The following JMJD1C variants were observed in gnomAD, a reference collection of about 807,000 sequenced individuals.
JMJD1C encodes the protein jumonji domain containing 1C.
A neutral mutation model predicts 245.3 loss-of-function variants in JMJD1C; 31 were observed. That is an observed-to-expected ratio of 0.13 (90% CI 0.09 to 0.17). JMJD1C has a LOEUF of 0.17. Among genes scored for constraint, JMJD1C ranks in the 10% least tolerant of loss-of-function variants. The pLI is 1.00. For synonymous variants in JMJD1C, 1,057 were observed against 1,017.4 expected, an observed-to-expected ratio of 1.04 and a Z score of -0.74; for missense variants, 2,691 against 3,000.2, an observed-to-expected ratio of 0.90 and a Z score of 2.41.
intron 2 of JMJD1C, among the ~76,000 whole-genome samples, chr10:63,373,591 A>G (rs1328885908): frequency 6.6e-6 from 1 of 152,198 alleles, no homozygotes; most frequent in Non-Finnish European, 1.5e-5. Context: ...GAAAGAAGAT[A>G]ATAAATACAA....
intron 1 of JMJD1C, among the ~76,000 whole-genome samples, chr10:63,413,985 CTT>C (rs397846162): frequency 1.4e-4 from 19 of 131,976 alleles, no homozygotes; most frequent in Admixed American, 3.0e-4. Flanking sequence ...GCTATCAATA[CTT>C]TTTTTTTTTT....
chr10:63,237,599 C>T (rs1850898920), intron 3 of JMJD1C, among the ~76,000 whole-genome samples: 1 of 152,168 alleles, frequency 6.6e-6, no homozygotes, highest in Admixed American at 6.5e-5. Flanking sequence ...TTGAGTCCAT[C>T]CACTTCCTTC....
At chr10:63,354,301 T>C (rs886396519) in intron 2 of JMJD1C, among the ~76,000 whole-genome samples, 4 of 152,258 alleles carry the variant, frequency 2.6e-5, no homozygotes, top group African/African-American at 9.6e-5. Context: ...CACTAGTTTT[T>C]AATCTAATGA....
intron 1 of JMJD1C, among the ~76,000 whole-genome samples, chr10:63,498,707 T>C (rs1462272078): frequency 2.6e-5 from 4 of 152,226 alleles, no homozygotes; most frequent in African/African-American, 9.6e-5. Context: ...ACTCCTATTT[T>C]TTTTTTATTG....
At chr10:63,512,196 C>CAA (rs1265466390) in intron 1 of JMJD1C, among the ~76,000 whole-genome samples, 1 of 152,142 alleles carries the variant, frequency 6.6e-6, no homozygotes, top group Non-Finnish European at 1.5e-5. Context: ...ATTATTTTAA[C>CAA]AAACTGTTAT....
intron 1 of JMJD1C, among the ~76,000 whole-genome samples, chr10:63,520,195 T>C (rs1368485600): frequency 6.6e-6 from 1 of 152,216 alleles, no homozygotes; most frequent in Non-Finnish European, 1.5e-5. Context: ...TTGTCTTCCA[T>C]GCAAGTCAGA....
intron 1 of JMJD1C, among the ~76,000 whole-genome samples, chr10:63,402,383 TTTGTG>T (rs1411672616): frequency 6.6e-6 from 1 of 152,162 alleles, no homozygotes; most frequent in Non-Finnish European, 1.5e-5. Flanking sequence ...TTGTTAGTCC[TTTGTG>T]TTGAGTGAAT....
intron 1 of JMJD1C, among the ~76,000 whole-genome samples, chr10:63,480,990 A>C (rs1010517509): frequency 6.6e-6 from 1 of 152,360 alleles, no homozygotes; most frequent in South Asian, 2.1e-4. Context: ...TTATAGACTC[A>C]TCAGAACTAA....
intron 3 of JMJD1C, among the ~76,000 whole-genome samples, chr10:63,223,835 C>A (rs984084165): frequency 5.3e-5 from 8 of 151,940 alleles, no homozygotes; most frequent in African/African-American, 1.9e-4. Flanking sequence ...TTCACTGCAA[C>A]CTCCACCTCC....
chr10:63,189,299 C>A lies in JMJD1C; in HGVS notation c.6439G>T (p.Val2147Leu). Reference sequence around the variant, plus strand: ...CTGTATAATTTATTATTTTCATCCACTGCAGATATTATGCTTTCTTCAGGC... The same window carrying A: ...CTGTATAATTTATTATTTTCATCCAATGCAGATATTATGCTTTCTTCAGGC... ...EEPEESIISAVDENNKLYSDI... is the reference protein window; with the variant it reads ...EEPEESIISALDENNKLYSDI... The change falls in exon 18 of 26, where the codon GTG becomes TTG. Residue 2147 changes from valine (V) to leucine (L), a missense_variant. By Grantham distance (32) the Val-to-Leu change is conservative. This residue lies in a region of JMJD1C where 275 missense variants were observed against 285.5 expected (regional missense o/e 0.96). Transcript: ENST00000399262. The A allele has an allele frequency of 1.9e-6, 3 of 1,613,814 alleles. No individual in the cohort carries two copies. The highest frequency in any genetic ancestry group is 1.7e-6 in the Non-Finnish European group (2 of 1,179,822).
intron 1 of JMJD1C, among the ~76,000 whole-genome samples, chr10:63,514,391 A>C (rs1954955899): frequency 1.3e-5 from 2 of 152,332 alleles, no homozygotes; most frequent in South Asian, 4.1e-4. Flanking sequence ...GCCCATCAAC[A>C]GGATTGGATA....
chr10:63,457,987 A>G (rs1952524067), intron 1 of JMJD1C, among the ~76,000 whole-genome samples: 1 of 152,190 alleles, frequency 6.6e-6, no homozygotes, highest in Non-Finnish European at 1.5e-5. Context: ...TATAAGATAA[A>G]TCAACATTTT....
intron 1 of JMJD1C, among the ~76,000 whole-genome samples, chr10:63,474,778 A>G (rs1953606696): frequency 6.6e-6 from 1 of 152,180 alleles, no homozygotes; most frequent in Non-Finnish European, 1.5e-5. Context: ...AGAGCAAAAT[A>G]AAATCAAAGA....
intron 2 of JMJD1C, among the ~76,000 whole-genome samples, chr10:63,292,637 T>C (rs1352367984): frequency 2.0e-5 from 3 of 151,360 alleles, no homozygotes; most frequent in Non-Finnish European, 4.4e-5. Flanking sequence ...AACAGGACAA[T>C]CATCACATCA....
intron 2 of JMJD1C, among the ~76,000 whole-genome samples, chr10:63,361,524 AG>A (rs1945322936): frequency 6.6e-6 from 1 of 152,178 alleles, no homozygotes; most frequent in African/African-American, 2.4e-5. Flanking sequence ...TCAGATAAAA[AG>A]CAGAAGTGTC....
At chr10:63,377,921 C>CA (rs11364665) in intron 2 of JMJD1C, among the ~76,000 whole-genome samples, 5 of 139,682 alleles carry the variant, frequency 3.6e-5, no homozygotes, top group African/African-American at 1.0e-4. Flanking sequence ...AATAGTATGG[C>CA]AAAAAAAAAA....
chr10:63,486,342 G>T (rs746079197), intron 1 of JMJD1C, among the ~76,000 whole-genome samples: 2 of 151,864 alleles, frequency 1.3e-5, no homozygotes, highest in Admixed American at 1.3e-4. Flanking sequence ...TGTTAGCAGG[G>T]ACCAACTGAC....
intron 1 of JMJD1C, among the ~76,000 whole-genome samples, chr10:63,418,678 C>G (rs1653923254): frequency 1.3e-5 from 2 of 152,110 alleles, no homozygotes; most frequent in Non-Finnish European, 1.5e-5. Flanking sequence ...AAAGGCCACC[C>G]TACTGAAAGG....
At chr10:63,512,289 C>G (rs1461963133) in intron 1 of JMJD1C, among the ~76,000 whole-genome samples, 2 of 148,478 alleles carry the variant, frequency 1.3e-5, no homozygotes, top group Non-Finnish European at 3.0e-5. Context: ...TCTCTCTGAA[C>G]TTTTTTTTTT....
Sources: gnomAD v4.1 joint callset for allele counts (sites outside exome capture counted in the v4.1 genomes callset) on GRCh38, gnomAD v4.1.1 for gene constraint, gnomAD v4.1.1 regional missense constraint, MANE v1.5 for transcripts, NCBI Gene and HGNC (gene_info 2026-07-23, HGNC 2026-07-21) for gene names.